Variants in KCNG3 observed in about 807,000 individuals in gnomAD.
KCNG3 encodes the protein voltage-gated potassium channel regulatory subunit KCNG3.
A neutral mutation model predicts 29.0 loss-of-function variants in KCNG3; 15 were observed. That is an observed-to-expected ratio of 0.52 (90% CI 0.35 to 0.80). KCNG3 has a LOEUF of 0.80. Among genes scored for constraint, KCNG3 ranks in the 30% least tolerant of loss-of-function variants. The pLI is 0.01. For synonymous variants in KCNG3, 322 were observed against 248.9 expected, an observed-to-expected ratio of 1.29 and a Z score of -2.76; for missense variants, 512 against 605.7, an observed-to-expected ratio of 0.85 and a Z score of 1.62.
chr2:42,471,235 A>G (rs1202838212), intron 1 of KCNG3, among the ~76,000 whole-genome samples: 1 of 151,868 alleles, frequency 6.6e-6, no homozygotes, highest in Non-Finnish European at 1.5e-5. Context: ...TGTTTATAGC[A>G]GTCATAATAA....
chr2:42,471,411 T>C (rs1450457339), intron 1 of KCNG3, among the ~76,000 whole-genome samples: 2 of 152,254 alleles, frequency 1.3e-5, no homozygotes, highest in East Asian at 3.9e-4. Context: ...GGCTCCATGT[T>C]GTATAACTGT....
At chr2:42,388,771 G>T in the KCNG3 span, 1 of 152,118 alleles carries the variant, frequency 6.6e-6, no homozygotes, top group Admixed American at 6.5e-5. Context: ...TGGAGGTAGG[G>T]GGCACAATTC....
chr2:42,395,755 A>G, the KCNG3 span, among the ~76,000 whole-genome samples: 1 of 152,010 alleles, frequency 6.6e-6, no homozygotes, highest in Non-Finnish European at 1.5e-5. Context: ...GGAGTTCAAG[A>G]CCAGCCTGAG....
the KCNG3 span, among the ~76,000 whole-genome samples, chr2:42,432,314 T>C: frequency 1.3e-5 from 2 of 152,236 alleles, no homozygotes; most frequent in African/African-American, 2.4e-5. Flanking sequence ...AGTCCTGTTT[T>C]TGGAATACCT....
At position 42,493,685 on chromosome 2, in the gene KCNG3, C is replaced by A; in HGVS notation, c.-184G>T. 1 of 413,206 alleles carries A rather than the reference C, an allele frequency of 2.4e-6. No homozygotes were observed. The highest frequency in any genetic ancestry group is 4.0e-6 in the Non-Finnish European group (1 of 250,026). 25.6% of individuals were successfully genotyped at this position (413,206 alleles called of 1,614,324 possible). A position where few individuals can be genotyped will look rare whatever the true frequency, so the allele number is the denominator to read the frequency against. On this transcript the variant is annotated 5_prime_UTR_variant, in exon 1 of 2. Transcript: ENST00000306078. ...TCCCTGGGCTCGAGTATCTCCGGCG[C>A]TGCTAGTAGCGCGCCCTCCGCCCGG...
chr2:42,451,734 T>C (rs1319282831), intron 1 of KCNG3, among the ~76,000 whole-genome samples: 3 of 151,548 alleles, frequency 2.0e-5, no homozygotes, highest in South Asian at 2.1e-4. Flanking sequence ...TCAAAAAAAT[T>C]AATTAATTAA....
intron 1 of KCNG3, among the ~76,000 whole-genome samples, chr2:42,456,620 A>C (rs1368721259): frequency 2.6e-5 from 4 of 152,192 alleles, no homozygotes; most frequent in African/African-American, 2.4e-5. Flanking sequence ...CAACTTAAAA[A>C]CATTTTAAAA....
chr2:42,468,699 A>T (rs991890062), intron 1 of KCNG3, among the ~76,000 whole-genome samples: 1 of 152,108 alleles, frequency 6.6e-6, no homozygotes, highest in Non-Finnish European at 1.5e-5. Context: ...TCACGCCTGT[A>T]ATCTCAGCAC....
intron 1 of KCNG3, among the ~76,000 whole-genome samples, chr2:42,488,210 C>T (rs572916489): frequency 2.6e-5 from 4 of 152,058 alleles, no homozygotes; most frequent in Admixed American, 1.3e-4. Context: ...AAGGATTATC[C>T]TCATACATAA....
the KCNG3 span, among the ~76,000 whole-genome samples, chr2:42,395,834 G>C: frequency 6.6e-6 from 1 of 151,884 alleles, no homozygotes; most frequent in Non-Finnish European, 1.5e-5. Flanking sequence ...CACACCTGTA[G>C]TCCCAGCTAC....
At chr2:42,431,359 T>A in the KCNG3 span, among the ~76,000 whole-genome samples, 2 of 152,092 alleles carry the variant, frequency 1.3e-5, no homozygotes, top group Non-Finnish European at 1.5e-5. Flanking sequence ...ATTAAAAATG[T>A]AGTGTGCCCA....
At chr2:42,389,200 G>A in the KCNG3 span, among the ~76,000 whole-genome samples, 3 of 152,152 alleles carry the variant, frequency 2.0e-5, no homozygotes, top group Non-Finnish European at 4.4e-5. Flanking sequence ...TTATAGTCAT[G>A]AGCCACCTTG....
chr2:42,430,243 C>T, the KCNG3 span, among the ~76,000 whole-genome samples: 5 of 151,582 alleles, frequency 3.3e-5, no homozygotes, highest in Non-Finnish European at 5.9e-5. Context: ...TGGTGCACGC[C>T]TGCAGTCCTA....
intron 1 of KCNG3, among the ~76,000 whole-genome samples, chr2:42,483,787 G>A (rs1673649779): frequency 6.6e-6 from 1 of 152,246 alleles, no homozygotes; most frequent in East Asian, 1.9e-4. Context: ...TATGAAAAGA[G>A]TTTCTTTTCT....
chr2:42,393,897 C>G, the KCNG3 span, among the ~76,000 whole-genome samples: 1 of 151,940 alleles, frequency 6.6e-6, no homozygotes, highest in African/African-American at 2.4e-5. Flanking sequence ...TCTCCTGCCT[C>G]AGCCTCCCAA....
the KCNG3 span, among the ~76,000 whole-genome samples, chr2:42,425,869 G>C: frequency 2.0e-5 from 3 of 152,298 alleles, no homozygotes; most frequent in South Asian, 6.2e-4. Context: ...GCAAAGTGAA[G>C]TTTTGGTTCA....
rs116416072 is a variant in KCNG3 at position 42,471,234 on chromosome 2, C to A, written c.665+21603G>T. Among the ~76,000 whole-genome samples the A allele has an allele frequency of 9.7e-3, 1,472 of 151,156 alleles. 21 individuals are homozygous for A. The highest frequency in any genetic ancestry group is 0.034 in the African/African-American group (1,396 of 41,104). On this transcript the variant is annotated intron_variant, in intron 1 of 1. Transcript: ENST00000306078. ...AAAATTTGGACACAAATGTTTATAGCAGTCATAATAATCAAAAAGTAAAAA... is the reference window on the plus strand; with the variant it reads ...AAAATTTGGACACAAATGTTTATAGAAGTCATAATAATCAAAAAGTAAAAA...
At chr2:42,404,590 G>A in the KCNG3 span, among the ~76,000 whole-genome samples, 2 of 152,066 alleles carry the variant, frequency 1.3e-5, no homozygotes. Context: ...TTAGCCGGGC[G>A]TCGTGGCACA....
chr2:42,457,026 T>A (rs1672893712), intron 1 of KCNG3, among the ~76,000 whole-genome samples: 1 of 152,198 alleles, frequency 6.6e-6, no homozygotes, highest in Non-Finnish European at 1.5e-5. Context: ...TACCTCTTTA[T>A]CTTCCAACCT....
Sources: gnomAD v4.1 joint callset for allele counts (sites outside exome capture counted in the v4.1 genomes callset) on GRCh38, gnomAD v4.1.1 for gene constraint, MANE v1.5 for transcripts, NCBI Gene and HGNC (gene_info 2026-07-23, HGNC 2026-07-21) for gene names.